TC2N: variants seen among roughly 807,000 people sequenced by gnomAD.
TC2N encodes tandem C2 domains nuclear protein.
A neutral mutation model predicts 61.9 loss-of-function variants in TC2N; 51 were observed. That is an observed-to-expected ratio of 0.82 (90% confidence interval 0.66 to 1.04). The LOEUF (loss-of-function observed/expected upper bound fraction) is 1.04, where lower values mean the gene tolerates loss of function less well. Among genes scored for constraint, TC2N ranks in the 50% least tolerant of loss-of-function variants. TC2N has a pLI of 0.00. For missense variants in TC2N, 556 were observed against 566.7 expected (o/e 0.98, Z 0.19); for synonymous variants, 204 against 192.6 (o/e 1.06, Z -0.49).
chr14:91,826,132 A>G (rs1887487325), intron 1 of TC2N, among the ~76,000 whole-genome samples: 2 of 152,100 alleles, frequency 1.3e-5, no homozygotes, highest in Non-Finnish European at 2.9e-5. Flanking sequence ...CAGCCTGTAC[A>G]ATATAGGGAG....
At chr14:91,797,674 G>A in intron 8 of TC2N, 111 bp downstream of exon 8, 3 of 717,850 alleles carry the variant, frequency 4.2e-6, no homozygotes. Context: ...CATAGTTGTA[G>A]TTTCCCTAAG....
rs1454756840 is a variant in TC2N at position 91,782,019 on chromosome 14, T to C, written c.*1081A>G. ...CACTTAGTCTACTTATTAGCAAAAATAAAGTGAGATTTTCTAAAATCAGGT... is the reference window on the plus strand; with the variant it reads ...CACTTAGTCTACTTATTAGCAAAAACAAAGTGAGATTTTCTAAAATCAGGT... On this transcript the variant is annotated 3_prime_UTR_variant, in exon 12 of 12. Transcript: ENST00000435962. 1.3e-5 allele frequency: 2 copies of C among 151,892 alleles called. No homozygotes were observed. The highest frequency in any genetic ancestry group is 2.9e-5 in the Non-Finnish European group (2 of 67,884). The allele number at this position is 151,892 out of a possible 1,614,324, so 9.4% of individuals were successfully genotyped here.
At position 91,837,350 on chromosome 14, in the gene TC2N, G is replaced by A. The variant is rs1419594884; in HGVS notation, c.-56-23525C>T. 6.6e-6 allele frequency among the ~76,000 whole-genome samples: 1 copy of A among 152,170 alleles called. No individual in the cohort carries two copies. The highest frequency in any genetic ancestry group is 1.5e-5 in the Non-Finnish European group (1 of 68,036). On this transcript the variant is annotated intron_variant, in intron 1 of 11. Transcript: ENST00000435962. The surrounding 1 kb of genome is among the most constrained non-coding windows in gnomAD (Gnocchi z 4.2). ...CCCACCTCAGCCCCTCCGCCAAGTA[G>A]CTGGGAATACAGGCGCGAGCCAGCA...
chr14:91,851,829 G>A (rs887732291), intron 1 of TC2N, among the ~76,000 whole-genome samples: 1 of 152,172 alleles, frequency 6.6e-6, no homozygotes, highest in Non-Finnish European at 1.5e-5. Flanking sequence ...AACTCTATAC[G>A]TGGTGGAGTC....
chr14:91,800,116 C>T (rs1430713593), intron 5 of TC2N, among the ~76,000 whole-genome samples, 165 bp downstream of exon 5: 1 of 151,930 alleles, frequency 6.6e-6, no homozygotes, highest in African/African-American at 2.4e-5. Context: ...TAACAGCTTT[C>T]TAAAATAATA....
intron 1 of TC2N, chr14:91,866,180 A>G (rs921447120): frequency 1.9e-4 from 29 of 152,198 alleles, no homozygotes; most frequent in Middle Eastern, 3.2e-3. Context: ...GCTCAGAATG[A>G]ACAACTTGGG....
In TC2N at chr14:91,797,833, T is replaced by C. The variant is rs1211207195; in HGVS notation, c.807A>G (p.Thr269=). 1.9e-6 allele frequency: 3 copies of C among 1,611,510 alleles called. No homozygotes were observed. Among genetic ancestry groups the C allele is most frequent in the Admixed American group, 1.7e-5 (1 of 59,840 alleles). Residue 269 remains threonine (T), a synonymous_variant, in exon 8 of 12, where the codon ACA becomes ACG. Coordinates refer to ENST00000435962, the MANE Select transcript of TC2N (RefSeq NM_001128596.3). ...ATTTGAAATGCACTGGTTTGGGCAATGTAAGTATTCCTTTTATAGAAACAG... is the reference window on the plus strand; with the variant it reads ...ATTTGAAATGCACTGGTTTGGGCAACGTAAGTATTCCTTTTATAGAAACAG... ...TPTVSIKGIL[T]LPKPVHFKSS...
At chr14:91,864,050 A>G (rs991477311) in intron 1 of TC2N, among the ~76,000 whole-genome samples, 14 of 152,116 alleles carry the variant, frequency 9.2e-5, no homozygotes, top group Admixed American at 9.2e-4. Flanking sequence ...CTCAGAATTC[A>G]GTCCTCAGTT....
intron 4 of TC2N, among the ~76,000 whole-genome samples, chr14:91,801,150 TCACA>T (rs918208243): frequency 1.3e-5 from 2 of 151,828 alleles, no homozygotes; most frequent in African/African-American, 4.8e-5. Context: ...AGACTATAAT[TCACA>T]CAGTCTCAAA....
At chr14:91,834,627 C>T (rs577920712) in intron 1 of TC2N, among the ~76,000 whole-genome samples, 61 of 152,300 alleles carry the variant, frequency 4.0e-4, no homozygotes, top group Admixed American at 7.8e-4. Flanking sequence ...TTACACTGTA[C>T]TTAAATTATG....
In TC2N at chr14:91,812,558, G is replaced by GA. The variant is rs754134550; in HGVS notation, c.68-14dup. On this transcript the variant is annotated splice_polypyrimidine_tract_variant and intron_variant, in intron 2 of 11. Transcript: ENST00000435962. Reference sequence around the variant, plus strand: ...CTTTCCACAGAAACTGCATATAAAAGAAAAAAAAAGTCACAAATATGAATA... The same window carrying GA: ...CTTTCCACAGAAACTGCATATAAAAGAAAAAAAAAAGTCACAAATATGAATA... 5.3e-4 allele frequency: 691 copies of GA among 1,304,914 alleles called. No individual in the cohort carries two copies. The highest frequency in any genetic ancestry group is 8.3e-4 in the South Asian group (60 of 72,422). 80.8% of individuals were successfully genotyped at this position (1,304,914 alleles called of 1,614,324 possible). A position where few individuals can be genotyped will look rare whatever the true frequency, so the allele number is the denominator to read the frequency against.
chr14:91,866,839 AAGGGGT>A (rs1161895863), intron 1 of TC2N, among the ~76,000 whole-genome samples: 1 of 152,214 alleles, frequency 6.6e-6, no homozygotes, highest in Non-Finnish European at 1.5e-5. Context: ...GATGATTCCC[AAGGGGT>A]AGGTAAAGCA....
intron 1 of TC2N, among the ~76,000 whole-genome samples, chr14:91,841,221 C>A (rs1888156106): frequency 6.6e-6 from 1 of 152,176 alleles, no homozygotes; most frequent in Non-Finnish European, 1.5e-5. Flanking sequence ...GATTCAAGAA[C>A]AAAGGCTCCC....
chr14:91,824,016 G>A (rs1036915286), intron 1 of TC2N, among the ~76,000 whole-genome samples: 6 of 152,112 alleles, frequency 3.9e-5, no homozygotes, highest in East Asian at 1.9e-4. Context: ...TGTCATCAGC[G>A]GCATCATTAT....
chr14:91,846,183 T>C (rs1240459389), intron 1 of TC2N, among the ~76,000 whole-genome samples: 1 of 152,228 alleles, frequency 6.6e-6, no homozygotes, highest in Non-Finnish European at 1.5e-5. Context: ...GATTGGATTT[T>C]AAGTAGCCTC....
At chr14:91,783,358 A>G in intron 11 of TC2N, 148 bp from the exon 12 acceptor site, 1 of 549,324 alleles carries the variant, frequency 1.8e-6, no homozygotes, top group South Asian at 2.6e-5. Context: ...CAAAAGTCAG[A>G]TTGATTTCTC....
At chr14:91,790,266 A>G (rs1328759111) in intron 9 of TC2N, among the ~76,000 whole-genome samples, 1 of 152,224 alleles carries the variant, frequency 6.6e-6, no homozygotes, top group African/African-American at 2.4e-5. Flanking sequence ...TGTCAAGGTC[A>G]AGGACTCTTT....
intron 1 of TC2N, among the ~76,000 whole-genome samples, chr14:91,832,470 T>C (rs1243337699): frequency 6.7e-6 from 1 of 149,474 alleles, no homozygotes; most frequent in South Asian, 2.1e-4. Context: ...CCACAAAACA[T>C]AAACAATGAA....
At chr14:91,802,467 G>C (rs1566768294) in intron 3 of TC2N, 46 bp from the exon 4 acceptor site, 3 of 1,582,706 alleles carry the variant, frequency 1.9e-6, no homozygotes, top group Non-Finnish European at 2.6e-6. Context: ...TTTTCTTGGA[G>C]TTATTAGCCA....
Sources: allele counts gnomAD v4.1 joint callset (sites outside exome capture counted in the v4.1 genomes callset), GRCh38; gene constraint gnomAD v4.1.1; non-coding constraint Gnocchi (gnomAD v3.1); transcripts MANE v1.5; gene names NCBI Gene and HGNC (gene_info 2026-07-23, HGNC 2026-07-21).